Variants in IQSEC3 observed in about 807,000 individuals in gnomAD.
The protein encoded by IQSEC3 is IQ motif and Sec7 domain ArfGEF 3, also known as IQ motif and SEC7 domain-containing protein 3.
IQSEC3 carries 50 observed loss-of-function variants against 105.4 expected under a neutral mutation model. The observed-to-expected ratio is 0.47, with a 90% CI of 0.38 to 0.60. The LOEUF (loss-of-function observed/expected upper bound fraction) is 0.60. IQSEC3 is among the 20% of genes least tolerant of loss of function. The probability of loss-of-function intolerance (pLI) is 0.00; values close to 1 mark genes in which losing one functional copy is unlikely to be tolerated. For synonymous variants in IQSEC3, 708 were observed against 746.0 expected, an observed-to-expected ratio of 0.95 and a Z score of 0.83; for missense variants, 1,415 against 1,630.0, an observed-to-expected ratio of 0.87 and a Z score of 2.27.
intron 2 of IQSEC3, among the ~76,000 whole-genome samples, chr12:102,491 A>C (rs1864459258): frequency 6.6e-6 from 1 of 152,244 alleles, no homozygotes; most frequent in African/African-American, 2.4e-5. Context: ...CCTTCACTGC[A>C]GCACTGCAGT....
intron 1 of IQSEC3, among the ~76,000 whole-genome samples, chr12:83,089 TAA>T (rs1863800260): frequency 6.6e-6 from 1 of 152,010 alleles, no homozygotes; most frequent in African/African-American, 2.4e-5. Context: ...GTGCTGTGGG[TAA>T]TTAGGCTGGC....
chr12:104,613 C>G (rs1175831716), intron 2 of IQSEC3, among the ~76,000 whole-genome samples: 1 of 152,212 alleles, frequency 6.6e-6, no homozygotes, highest in Non-Finnish European at 1.5e-5. Context: ...CGTACTGCGC[C>G]CCCTTAGAGG....
intron 2 of IQSEC3, among the ~76,000 whole-genome samples, chr12:101,802 T>A (rs2136921800): frequency 6.6e-6 from 1 of 152,286 alleles, no homozygotes; most frequent in African/African-American, 2.4e-5. Flanking sequence ...TGTTTGCTCT[T>A]GGCTTCTTGG....
At chr12:118,744 G>A (rs1865127199) in intron 2 of IQSEC3, among the ~76,000 whole-genome samples, 1 of 152,200 alleles carries the variant, frequency 6.6e-6, no homozygotes, top group Non-Finnish European at 1.5e-5. Context: ...AGCCCCTCTG[G>A]TAGGAGAGTG....
chr12:106,269 T>C (rs1487530386), intron 2 of IQSEC3, among the ~76,000 whole-genome samples: 1 of 152,210 alleles, frequency 6.6e-6, no homozygotes, highest in African/African-American at 2.4e-5. Flanking sequence ...AGTTGCAGCC[T>C]GTAACCACCA....
chr12:120,044 G>A (rs1300657604), intron 2 of IQSEC3, among the ~76,000 whole-genome samples: 1 of 152,166 alleles, frequency 6.6e-6, no homozygotes, highest in African/African-American at 2.4e-5. Flanking sequence ...AACATTTATT[G>A]CACACATCTT....
chr12:170,066 C>T (rs934590580), intron 12 of IQSEC3, among the ~76,000 whole-genome samples: 5 of 152,146 alleles, frequency 3.3e-5, no homozygotes, highest in African/African-American at 1.2e-4. Flanking sequence ...GTTACGGCAG[C>T]GAGGACATGA....
At chr12:130,864 G>GC (rs1336648795) in intron 3 of IQSEC3, among the ~76,000 whole-genome samples, 3 of 152,072 alleles carry the variant, frequency 2.0e-5, no homozygotes, top group Non-Finnish European at 2.9e-5. Flanking sequence ...CTGCTCCTCA[G>GC]CCTCACACCC....
chr12:70,325 A>G (rs1179367808), intron 1 of IQSEC3, among the ~76,000 whole-genome samples: 2 of 152,238 alleles, frequency 1.3e-5, no homozygotes, highest in Non-Finnish European at 1.5e-5. Flanking sequence ...TTAATACATA[A>G]TCTGGCCTCT....
chr12:173,441 C>G (rs1408315087), intron 13 of IQSEC3, among the ~76,000 whole-genome samples: 1 of 152,174 alleles, frequency 6.6e-6, no homozygotes, highest in African/African-American at 2.4e-5. Flanking sequence ...CTGAACTGCA[C>G]CTGCAGCCAA....
chr12:165,202 C>T (rs1555097824), intron 9 of IQSEC3: 4 of 563,602 alleles, frequency 7.1e-6, no homozygotes, highest in East Asian at 6.0e-5. Flanking sequence ...CAGGCCAGCT[C>T]AGGCGCCGTG....
In IQSEC3 at chr12:171,125, C is replaced by A; in HGVS notation, c.3078C>A (p.Ala1026=). 1.2e-6 allele frequency: 2 copies of A among 1,614,020 alleles called. No individual in the cohort carries two copies. Among genetic ancestry groups the A allele is most frequent in the Non-Finnish European group, 8.5e-7 (1 of 1,179,974 alleles). ...KQGSPTAKRE[A]ALRERPAEST... ...TTGCATTCAAAGCCAAAAGGGAAGC[C>A]GCGCTCAGGGAGAGGCCGGCGGAGA... The change falls in exon 13 of 14, where the codon GCC becomes GCA. Residue 1026 remains alanine, a synonymous_variant. Coordinates refer to ENST00000538872, the MANE Select transcript of IQSEC3 (RefSeq NM_001170738.2).
intron 1 of IQSEC3, among the ~76,000 whole-genome samples, chr12:82,811 G>T (rs1863789745): frequency 6.6e-6 from 1 of 152,196 alleles, no homozygotes; most frequent in African/African-American, 2.4e-5. Context: ...GGCAGGCAGT[G>T]CTCCTAGCCT....
chr12:168,675 A>G (rs1555099246), intron 11 of IQSEC3, among the ~76,000 whole-genome samples: 2 of 152,048 alleles, frequency 1.3e-5, no homozygotes, highest in East Asian at 3.9e-4. Flanking sequence ...TGAGGCATGG[A>G]GAGGTTGGGT....
intron 1 of IQSEC3, among the ~76,000 whole-genome samples, chr12:98,878 G>T (rs1864325253): frequency 1.3e-5 from 2 of 152,158 alleles, no homozygotes; most frequent in Admixed American, 1.3e-4. Flanking sequence ...AAGTAGGAAG[G>T]GTGAGTTCCC....
chr12:174,412 T>C (rs1444363169), intron 13 of IQSEC3, among the ~76,000 whole-genome samples, 187 bp from the exon 14 acceptor site: 1 of 151,884 alleles, frequency 6.6e-6, no homozygotes, highest in African/African-American at 2.4e-5. Flanking sequence ...GCCTCTCGAC[T>C]CCTCTCTCCC....
chr12:67,214 G>C lies in IQSEC3; in HGVS notation c.332G>C (p.Arg111Pro). 1 of 1,560,876 alleles carries C rather than the reference G, an allele frequency of 6.4e-7. No homozygotes were observed. The highest frequency in any genetic ancestry group is 1.4e-5 in the African/African-American group (1 of 73,698). The change falls in exon 1 of 14, where the codon CGG becomes CCG. Residue 111 changes from arginine (R) to proline (P), a missense_variant. Around this residue, in one of 6 missense-constraint regions of IQSEC3, gnomAD observed 26 missense variants for 108.1 expected, o/e 0.24. Transcript: ENST00000538872. The stretch of plus-strand genomic sequence containing the variant: ...GCCGCGCCGCATCCCGCGCCCGATC[G>C]GCCGCCGCGTCAGCACCACGGACAG... ...SAAAPHPAPD[R>P]PPRQHHGQLL...
Position 174,896 on chromosome 12 carries a change from G to C in IQSEC3, c.3412G>C (p.Gly1138Arg). ...CGGCTCCACACCCCTGGGCGGTCCC[G>C]GCTCTCCGGTCAAGGTCACCCACCA... is the stretch of plus-strand genomic sequence containing the variant. ...SCGSTPLGGP[G>R]SPVKVTHQPP... Residue 1138 changes from glycine (G) to arginine (R), a missense_variant, in exon 14 of 14, where the codon GGC becomes CGC. Gly to Arg is a moderately radical substitution (Grantham distance 125, BLOSUM62 -2). Transcript: ENST00000538872. The C allele has an allele frequency of 6.4e-7, 1 of 1,561,874 alleles. No homozygotes were observed. Among genetic ancestry groups the C allele is most frequent in the Non-Finnish European group, 8.6e-7 (1 of 1,162,150 alleles).
intron 1 of IQSEC3, among the ~76,000 whole-genome samples, chr12:93,534 A>T (rs1220980677): frequency 1.3e-5 from 2 of 152,188 alleles, no homozygotes; most frequent in African/African-American, 4.8e-5. Flanking sequence ...TGTGGCCTGA[A>T]GACTAAGGAT....
Sources: allele counts gnomAD v4.1 joint callset (sites outside exome capture counted in the v4.1 genomes callset), GRCh38; gene constraint gnomAD v4.1.1; regional missense constraint gnomAD v4.1.1; transcripts MANE v1.5; gene names NCBI Gene and HGNC (gene_info 2026-07-23, HGNC 2026-07-21).